The following STOX1 variants were observed in gnomAD, a reference collection of about 807,000 sequenced individuals.
STOX1 encodes storkhead-box protein 1.
Under a neutral mutation model 74.8 loss-of-function variants are expected in STOX1, and 57 were observed. That is an observed-to-expected ratio of 0.76 (90% CI 0.62 to 0.95). The LOEUF is 0.95. STOX1 is among the 40% of genes least tolerant of loss of function. The pLI, the probability that STOX1 is intolerant of heterozygous loss-of-function variation, is 0.00. For synonymous variants in STOX1, 375 were observed against 401.3 expected (o/e 0.93, Z 0.78); for missense variants, 1,010 against 1,117.0 (o/e 0.90, Z 1.37).
At position 68,887,077 on chromosome 10, in the gene STOX1, A is replaced by G. The variant is rs558906347; in HGVS notation, c.2822+459A>G. 1.2e-4 allele frequency among the ~76,000 whole-genome samples: 18 copies of G among 152,354 alleles called. No individual in the cohort carries two copies. In the South Asian group the frequency reaches 3.7e-3, roughly 32 times the overall value. On this transcript the variant is annotated intron_variant, in intron 3 of 3. Transcript: ENST00000298596. Reference sequence around the variant, plus strand: ...TATACCTTTACTGAATAAATTGTATAAAGTTACAATGAAATCTCTTATATA... The same window carrying G: ...TATACCTTTACTGAATAAATTGTATGAAGTTACAATGAAATCTCTTATATA...
intron 1 of STOX1, among the ~76,000 whole-genome samples, chr10:68,874,371 C>T (rs78844426): frequency 0.031 from 4,647 of 152,114 alleles, 98 homozygotes; most frequent in Non-Finnish European, 0.045. Flanking sequence ...GAGTCATACC[C>T]CTGAGCCAGT....
chr10:68,827,716 T>C lies in STOX1; in HGVS notation c.93T>C (p.Pro31=). The change falls in exon 1 of 4, where the codon CCT becomes CCC. Residue 31 remains proline, a synonymous_variant. Coordinates refer to ENST00000298596, the MANE Select transcript of STOX1 (RefSeq NM_152709.5). ...AQKAAGAAEE[P]GGRAVFRAFR... ...AGGCGGCGGGGGCCGCGGAGGAGCC[T>C]GGTGGGCGCGCGGTGTTCCGCGCTT... The C allele has an allele frequency of 1.1e-6, 1 of 890,560 alleles. No individual in the cohort carries two copies. Among genetic ancestry groups the C allele is most frequent in the Non-Finnish European group, 1.4e-6 (1 of 717,704 alleles). The allele number at this position is 890,560 out of a possible 1,614,324, so 55.2% of individuals were successfully genotyped here. A position where few individuals can be genotyped will look rare whatever the true frequency, so the allele number is the denominator to read the frequency against.
Position 68,865,292 on chromosome 10 carries a change from G to A in STOX1, c.311-16666G>A, listed in dbSNP as rs547936487. ...ACCGCAGGAATCGTAAATGCAAACCGTTCACAGTCCTGCTCAGCTAAGGAG... is the reference window on the plus strand; with the variant it reads ...ACCGCAGGAATCGTAAATGCAAACCATTCACAGTCCTGCTCAGCTAAGGAG... On this transcript the variant is annotated intron_variant, in intron 1 of 3. Coordinates refer to ENST00000298596, the MANE Select transcript of STOX1 (RefSeq NM_152709.5). 3.0e-4 allele frequency among the ~76,000 whole-genome samples: 45 copies of A among 152,322 alleles called. No individual in the cohort carries two copies. The South Asian group carries it at 5.8e-3, about 20-fold the overall frequency.
At chr10:68,850,667 G>T (rs1839961124) in intron 1 of STOX1, among the ~76,000 whole-genome samples, 1 of 152,172 alleles carries the variant, frequency 6.6e-6, no homozygotes, top group Admixed American at 6.6e-5. Context: ...TGCACAAGTT[G>T]ATTTAGATAC....
At chr10:68,889,878 C>T (rs1032136565) in intron 3 of STOX1, among the ~76,000 whole-genome samples, 7 of 151,060 alleles carry the variant, frequency 4.6e-5, no homozygotes, top group Middle Eastern at 3.5e-3. Flanking sequence ...CTTTTTTTTT[C>T]CTTGCCTCAG....
intron 2 of STOX1, among the ~76,000 whole-genome samples, chr10:68,883,222 C>CA (rs56982685): frequency 2.6e-3 from 362 of 139,940 alleles, no homozygotes; most frequent in African/African-American, 8.1e-3. Context: ...CTAAAAACTA[C>CA]AAAAAAAAAA....
chr10:68,839,010 T>C (rs1396781793), intron 1 of STOX1, among the ~76,000 whole-genome samples: 1 of 152,156 alleles, frequency 6.6e-6, no homozygotes, highest in East Asian at 1.9e-4. Flanking sequence ...AGATGTTAGC[T>C]GTGGGCTTTT....
chr10:68,843,232 C>T (rs980822962), intron 1 of STOX1, among the ~76,000 whole-genome samples: 1 of 152,022 alleles, frequency 6.6e-6, no homozygotes. Flanking sequence ...GGGTCTCACT[C>T]TGTTCCCCAG....
In STOX1 at chr10:68,835,516, A is replaced by T. The variant is rs938627592; in HGVS notation, c.310+7583A>T. Among the ~76,000 whole-genome samples, 4 of 151,766 alleles carry T rather than the reference A, an allele frequency of 2.6e-5. No individual in the cohort carries two copies. In the East Asian group the frequency reaches 7.8e-4, roughly 29 times the overall value. On this transcript the variant is annotated intron_variant, in intron 1 of 3. Coordinates refer to ENST00000298596, the MANE Select transcript of STOX1 (RefSeq NM_152709.5). ...TTATTTTTATTTTTTGTAGAGATGG[A>T]GTCTCCCTGTGTTGTCCAGGCTGGT...
chr10:68,874,319 C>G (rs1840623234), intron 1 of STOX1, among the ~76,000 whole-genome samples: 1 of 152,098 alleles, frequency 6.6e-6, no homozygotes, highest in Non-Finnish European at 1.5e-5. Flanking sequence ...AAACCCTGAC[C>G]TGCGTTCTTT....
At chr10:68,871,442 A>G (rs942877280) in intron 1 of STOX1, among the ~76,000 whole-genome samples, 1 of 152,226 alleles carries the variant, frequency 6.6e-6, no homozygotes, top group Non-Finnish European at 1.5e-5. Context: ...GTGATAAGTA[A>G]AGAAGACATT....
Position 68,827,564 on chromosome 10 carries a change from G to C in STOX1, c.-60G>C. The C allele has an allele frequency of 1.9e-6, 2 of 1,064,444 alleles. No individual in the cohort carries two copies. The highest frequency in any genetic ancestry group is 1.1e-6 in the Non-Finnish European group (1 of 871,288). The allele number at this position is 1,064,444 out of a possible 1,614,324, so 65.9% of individuals were successfully genotyped here. On this transcript the variant is annotated 5_prime_UTR_variant, in exon 1 of 4. Coordinates refer to ENST00000298596, the MANE Select transcript of STOX1 (RefSeq NM_152709.5). ...CCGATCCTCCCGCCGAGCGAGCGGC[G>C]TCGTAGCCGCCGCGCTCGCCGAGGC... is the stretch of plus-strand genomic sequence containing the variant.
Position 68,892,806 on chromosome 10 carries a change from T to C in STOX1, c.*70T>C. The C allele has an allele frequency of 6.7e-7, 1 of 1,499,126 alleles. No homozygotes were observed. The highest frequency in any genetic ancestry group is 1.8e-5 in the Admixed American group (1 of 56,748). The allele number at this position is 1,499,126 out of a possible 1,614,324, so 92.9% of individuals were successfully genotyped here. On this transcript the variant is annotated 3_prime_UTR_variant, in exon 4 of 4. Coordinates refer to ENST00000298596, the MANE Select transcript of STOX1 (RefSeq NM_152709.5). ...ATTATTACAGAATCTTTCAATCATG[T>C]AAGAATTGAGTATATAAGAATTGTC...
Position 68,885,633 on chromosome 10 carries a change from G to C in STOX1, c.1837G>C (p.Glu613Gln). Reference protein sequence around the residue: ...SMLRYEVYGGENEVIPEVLRK... With the variant: ...SMLRYEVYGGQNEVIPEVLRK... ...GTTGAGATATGAAGTGTATGGTGGAGAAAATGAGGTAATTCCTGAAGTCTT... is the reference window on the plus strand; with the variant it reads ...GTTGAGATATGAAGTGTATGGTGGACAAAATGAGGTAATTCCTGAAGTCTT... Residue 613 changes from glutamate (E) to glutamine (Q), a missense_variant, in exon 3 of 4, where the codon GAA becomes CAA. Glu to Gln is a conservative substitution (Grantham distance 29, BLOSUM62 2). Coordinates refer to ENST00000298596, the MANE Select transcript of STOX1 (RefSeq NM_152709.5). 6.2e-7 allele frequency: 1 copy of C among 1,614,178 alleles called. No individual in the cohort carries two copies. The highest frequency in any genetic ancestry group is 2.2e-5 in the East Asian group (1 of 44,876).
rs1291342448 is a variant in STOX1, at chr10:68,860,542, C to G, written c.311-21416C>G. ...CTGAGATGATGCCACTGCACTCCAGCCTGGGTAACAGAGTGAGACTCTGTC... is the reference window on the plus strand; with the variant it reads ...CTGAGATGATGCCACTGCACTCCAGGCTGGGTAACAGAGTGAGACTCTGTC... On this transcript the variant is annotated intron_variant, in intron 1 of 3. Coordinates refer to ENST00000298596, the MANE Select transcript of STOX1 (RefSeq NM_152709.5). Among the ~76,000 whole-genome samples the G allele has an allele frequency of 5.1e-5, 7 of 137,682 alleles. No homozygotes were observed. The Admixed American group carries it at 5.7e-4, about 11-fold the overall frequency. 90.3% of individuals were successfully genotyped at this position (137,682 alleles called of 152,430 possible). A position where few individuals can be genotyped will look rare whatever the true frequency, so the allele number is the denominator to read the frequency against.
intron 1 of STOX1, among the ~76,000 whole-genome samples, chr10:68,852,158 ACT>A (rs1296519231): frequency 6.7e-6 from 1 of 149,634 alleles, no homozygotes; most frequent in Non-Finnish European, 1.5e-5. Context: ...ATGTTATCTC[ACT>A]GTCTTCTGAC....
intron 1 of STOX1, among the ~76,000 whole-genome samples, chr10:68,872,436 C>T: frequency 6.6e-6 from 1 of 151,168 alleles, no homozygotes; most frequent in Admixed American, 6.6e-5. Context: ...ACCTCCACCT[C>T]CTGGGTTCAA....
At chr10:68,841,726 TGG>T (rs1023877871) in intron 1 of STOX1, among the ~76,000 whole-genome samples, 7 of 152,112 alleles carry the variant, frequency 4.6e-5, no homozygotes, top group Admixed American at 3.3e-4. Flanking sequence ...TGGGAGACCT[TGG>T]TATGCTGATG....
intron 1 of STOX1, among the ~76,000 whole-genome samples, chr10:68,852,342 T>C (rs1300761777): frequency 1.5e-5 from 2 of 135,968 alleles, no homozygotes; most frequent in African/African-American, 5.5e-5. Flanking sequence ...CACTGCAAGC[T>C]CCGCTTCCCG....
Sources: gnomAD v4.1 joint callset for allele counts (sites outside exome capture counted in the v4.1 genomes callset) on GRCh38, gnomAD v4.1.1 for gene constraint, MANE v1.5 for transcripts, NCBI Gene and HGNC (gene_info 2026-07-23, HGNC 2026-07-21) for gene names.